Variants in WWP2 observed in about 807,000 individuals in gnomAD.
WWP2 encodes WW domain containing E3 ubiquitin protein ligase 2.
A neutral mutation model predicts 121.0 loss-of-function variants in WWP2; 57 were observed. The observed-to-expected ratio is 0.47, with a 90% CI of 0.38 to 0.59. WWP2 has a LOEUF of 0.59. Among genes scored for constraint, WWP2 ranks in the 20% least tolerant of loss-of-function variants. The probability of loss-of-function intolerance (pLI) is 0.00; values close to 1 mark genes in which losing one functional copy is unlikely to be tolerated. For synonymous variants in WWP2, 449 were observed against 441.3 expected (o/e 1.02, Z -0.22); for missense variants, 962 against 1,158.9 (o/e 0.83, Z 2.47).
At chr16:69,855,428 TC>T (rs2057293389) in intron 6 of WWP2, among the ~76,000 whole-genome samples, 1 of 152,216 alleles carries the variant, frequency 6.6e-6, no homozygotes, top group Non-Finnish European at 1.5e-5. Flanking sequence ...GGACTAGTCC[TC>T]TCTAGAAACA....
rs1306342596 is a variant in WWP2, at chr16:69,937,816, A to T, written c.2343+164A>T. 1.3e-5 allele frequency among the ~76,000 whole-genome samples: 2 copies of T among 152,226 alleles called. No individual in the cohort carries two copies. The highest frequency in any genetic ancestry group is 2.9e-5 in the Non-Finnish European group (2 of 68,042). On this transcript the variant is annotated intron_variant, in intron 21 of 23. Coordinates refer to ENST00000359154, the MANE Select transcript of WWP2 (RefSeq NM_001270454.2). The surrounding 1 kb of genome is among the most constrained non-coding windows in gnomAD (Gnocchi z 6.6). ...GACCAGCCTTGGGATGAACGGGGAC[A>T]GTTCCAGCTGAGTGGTGGCCAGTGG... is the stretch of plus-strand genomic sequence containing the variant.
intron 9 of WWP2, among the ~76,000 whole-genome samples, chr16:69,912,005 C>T (rs1194240400): frequency 6.6e-6 from 1 of 152,030 alleles, no homozygotes. Flanking sequence ...AGATTAAAAC[C>T]TTGGCTGGGC....
intron 4 of WWP2, among the ~76,000 whole-genome samples, chr16:69,808,849 A>G (rs2056333141): frequency 6.6e-6 from 1 of 152,220 alleles, no homozygotes; most frequent in Non-Finnish European, 1.5e-5. Flanking sequence ...CAGGACATGT[A>G]TTTTGAAGGA....
At chr16:69,820,079 G>A (rs2056564781) in intron 4 of WWP2, among the ~76,000 whole-genome samples, 1 of 152,174 alleles carries the variant, frequency 6.6e-6, no homozygotes, top group South Asian at 2.1e-4. Context: ...CAAAAAATAG[G>A]AAAATTAGCC....
intron 1 of WWP2, among the ~76,000 whole-genome samples, chr16:69,764,286 A>C (rs1567650157): frequency 6.6e-6 from 1 of 152,088 alleles, no homozygotes; most frequent in Non-Finnish European, 1.5e-5. Flanking sequence ...TGTAACCTTG[A>C]CCTGCCTGGG....
chr16:69,874,449 C>A (rs536231378), intron 7 of WWP2, among the ~76,000 whole-genome samples: 1 of 152,200 alleles, frequency 6.6e-6, no homozygotes, highest in Non-Finnish European at 1.5e-5. Context: ...TATTTAGCAG[C>A]CTTTTTTGGC....
rs184206362 is a variant in WWP2 at position 69,861,583 on chromosome 16, G to A, written c.576-10221G>A. On this transcript the variant is annotated intron_variant, in intron 6 of 23. Coordinates refer to ENST00000359154, the MANE Select transcript of WWP2 (RefSeq NM_001270454.2). ...TAAATTGCGCTTGCAGTGACCAGAA[G>A]GGGCCCATTTTAACTCTAATTGTGC... Among the ~76,000 whole-genome samples, 8 of 152,172 alleles carry A rather than the reference G, an allele frequency of 5.3e-5. No homozygotes were observed. In the East Asian group the frequency reaches 1.5e-3, roughly 29 times the overall value.
At chr16:69,888,605 G>C (rs901794612) in intron 8 of WWP2, among the ~76,000 whole-genome samples, 11 of 152,060 alleles carry the variant, frequency 7.2e-5, no homozygotes, top group African/African-American at 2.7e-4. Flanking sequence ...GAATTTTATC[G>C]TATCAGCCCA....
intron 9 of WWP2, among the ~76,000 whole-genome samples, chr16:69,912,918 CAAAACAAAAAAAAAAAAAAAAAAAAAAA>C (rs551196147): frequency 0.056 from 1,778 of 31,742 alleles, 272 homozygotes; most frequent in African/African-American, 0.21. Flanking sequence ...CCAGTCTCTA[CAAAACAAAAAAAAAAAAAAAAAAAAAAA>C]AAAAAAAAAA....
chr16:69,795,295 T>C (rs200239970), intron 2 of WWP2, among the ~76,000 whole-genome samples: 1,380 of 137,938 alleles, frequency 0.01, 11 homozygotes, highest in African/African-American at 0.028. Flanking sequence ...CACACACACA[T>C]ACACAGAGAC....
Position 69,771,952 on chromosome 16 carries a change from CTTTTTTTTTTTT to C in WWP2, c.-16+9576_-16+9587del, listed in dbSNP as rs56376857. On this transcript the variant is annotated intron_variant, in intron 1 of 23. Transcript: ENST00000359154. ...TTGAGAAACTAAAAGTCTTTTTAGT[CTTTTTTTTTTTT>C]TTTTTTTTTTTTTTGAGACAGAGTC... Among the ~76,000 whole-genome samples, 242 of 55,830 alleles carry C rather than the reference CTTTTTTTTTTTT, an allele frequency of 4.3e-3. 3 individuals carry two copies. The highest frequency in any genetic ancestry group is 0.034 in the Middle Eastern group (2 of 58). 36.6% of individuals were successfully genotyped at this position (55,830 alleles called of 152,430 possible). A position where few individuals can be genotyped will look rare whatever the true frequency, so the allele number is the denominator to read the frequency against.
chr16:69,927,312 C>T (rs2058653799), intron 11 of WWP2, among the ~76,000 whole-genome samples: 6 of 152,120 alleles, frequency 3.9e-5, no homozygotes, highest in Admixed American at 3.9e-4. Context: ...CTTGCTAACC[C>T]AGCCTGCTGG....
At chr16:69,815,552 C>T (rs2056472839) in intron 4 of WWP2, among the ~76,000 whole-genome samples, 1 of 150,746 alleles carries the variant, frequency 6.6e-6, no homozygotes, top group Non-Finnish European at 1.5e-5. Flanking sequence ...CTTTGGGAGG[C>T]TGAGGTGGGT....
intron 8 of WWP2, among the ~76,000 whole-genome samples, chr16:69,892,540 T>A: frequency 6.6e-6 from 1 of 152,214 alleles, no homozygotes; most frequent in Non-Finnish European, 1.5e-5. Context: ...CTATTTTAAC[T>A]TTTCTTTTTT....
intron 1 of WWP2, among the ~76,000 whole-genome samples, chr16:69,766,741 T>C (rs1000244598): frequency 1.3e-5 from 2 of 152,114 alleles, no homozygotes; most frequent in African/African-American, 4.8e-5. Context: ...AGAGAGAGGC[T>C]TTTCTAGGGA....
intron 8 of WWP2, among the ~76,000 whole-genome samples, chr16:69,901,407 G>T (rs900513463): frequency 6.6e-6 from 1 of 152,062 alleles, no homozygotes; most frequent in African/African-American, 2.4e-5. Context: ...AAGGGTTCAG[G>T]TGTGGTCTTA....
intron 9 of WWP2, 178 bp from the exon 10 acceptor site, chr16:69,917,531 T>A (rs543288457): frequency 3.8e-5 from 22 of 578,620 alleles, no homozygotes; most frequent in African/African-American, 3.3e-4. Flanking sequence ...TGAGAGCTAA[T>A]GGCAAGGAGG....
chr16:69,837,485 C>G (rs1317154381), intron 4 of WWP2, among the ~76,000 whole-genome samples: 1 of 152,190 alleles, frequency 6.6e-6, no homozygotes, highest in Non-Finnish European at 1.5e-5. Flanking sequence ...GAAGAGCTAA[C>G]TTGGATCCCT....
At chr16:69,898,350 C>T (rs537058114) in intron 8 of WWP2, among the ~76,000 whole-genome samples, 14 of 152,112 alleles carry the variant, frequency 9.2e-5, no homozygotes, top group African/African-American at 3.4e-4. Flanking sequence ...AAGATTTGTA[C>T]AGCAACTGGA....
Sources: gnomAD v4.1 joint callset for allele counts (sites outside exome capture counted in the v4.1 genomes callset) on GRCh38, gnomAD v4.1.1 for gene constraint, Gnocchi (gnomAD v3.1) non-coding constraint, MANE v1.5 for transcripts, NCBI Gene and HGNC (gene_info 2026-07-23, HGNC 2026-07-21) for gene names.